Variants in FMN2 observed in about 807,000 individuals in gnomAD.
The protein encoded by FMN2 is formin 2.
Under a neutral mutation model 142.3 loss-of-function variants are expected in FMN2, and 51 were observed. That is an observed-to-expected ratio of 0.36 (90% CI 0.29 to 0.45). The LOEUF (loss-of-function observed/expected upper bound fraction) is 0.45, where lower values mean the gene tolerates loss of function less well. FMN2 is among the 20% of genes least tolerant of loss of function. The pLI is 1.00. For synonymous variants in FMN2, 882 were observed against 869.8 expected, an observed-to-expected ratio of 1.01 and a Z score of -0.25; for missense variants, 1,936 against 2,122.8, an observed-to-expected ratio of 0.91 and a Z score of 1.73.
chr1:240,111,207 G>A (rs560516453), intron 1 of FMN2, among the ~76,000 whole-genome samples: 5 of 152,240 alleles, frequency 3.3e-5, no homozygotes, highest in African/African-American at 1.2e-4. Context: ...ATTACCAGGG[G>A]TTATGTAACC....
At chr1:240,189,556 C>G (rs1353499006) in intron 4 of FMN2, among the ~76,000 whole-genome samples, 1 of 152,216 alleles carries the variant, frequency 6.6e-6, no homozygotes, top group Admixed American at 6.5e-5. Flanking sequence ...AAGTTGTGCT[C>G]CCCCTGGAGG....
chr1:240,098,987 A>T (rs1419282930), intron 1 of FMN2, among the ~76,000 whole-genome samples: 1 of 152,196 alleles, frequency 6.6e-6, no homozygotes, highest in Non-Finnish European at 1.5e-5. Context: ...TATTCTAGGT[A>T]TATTTGCAAT....
chr1:240,098,645 C>A (rs1051052774), intron 1 of FMN2, among the ~76,000 whole-genome samples: 3 of 152,150 alleles, frequency 2.0e-5, no homozygotes, highest in African/African-American at 7.2e-5. Context: ...TACTGGGTTC[C>A]ATATATCAGA....
chr1:240,212,975 T>A (rs918137255), intron 6 of FMN2, among the ~76,000 whole-genome samples: 1 of 152,206 alleles, frequency 6.6e-6, no homozygotes, highest in African/African-American at 2.4e-5. Flanking sequence ...TTGTTTGTTT[T>A]TTTGGCTAAG....
Position 240,163,315 on chromosome 1 carries a change from C to T in FMN2, c.1783-14606C>T, listed in dbSNP as rs1016566394. Among the ~76,000 whole-genome samples, 70 of 152,178 alleles carry T rather than the reference C, an allele frequency of 4.6e-4. 4 individuals are homozygous for T. On this transcript the variant is annotated intron_variant, in intron 2 of 17. Transcript: ENST00000319653. The stretch of plus-strand genomic sequence containing the variant: ...GCAGCTATTGAGAAAGTTATTGCTA[C>T]TATGTTTGTGGACATGTGTTTTTCC...
At chr1:240,357,853 C>T (rs963336947) in intron 14 of FMN2, among the ~76,000 whole-genome samples, 7 of 152,312 alleles carry the variant, frequency 4.6e-5, no homozygotes, top group Non-Finnish European at 1.0e-4. Context: ...GTGATCCAGC[C>T]TCTTCGGCCT....
Position 240,258,001 on chromosome 1 carries a change from C to A in FMN2, c.4122C>A (p.Ser1374Arg). Residue 1374 changes from serine (S) to arginine (R), a missense_variant, in exon 7 of 18, where the codon AGC becomes AGA. Coordinates refer to ENST00000319653, the MANE Select transcript of FMN2 (RefSeq NM_020066.5). ...RSQAVGILMS[S>R]LHLDMKDIQH... is the part of the protein sequence containing the mutation. ...AAGCAGTTGGAATACTAATGTCTAG[C>A]CTTCATTTAGATATGAAAGACATAC... The A allele has an allele frequency of 6.2e-7, 1 of 1,612,090 alleles. No individual in the cohort carries two copies. Among genetic ancestry groups the A allele is most frequent in the Non-Finnish European group, 8.5e-7 (1 of 1,179,378 alleles).
intron 2 of FMN2, among the ~76,000 whole-genome samples, chr1:240,153,345 C>G (rs375472139): frequency 6.7e-6 from 1 of 148,638 alleles, no homozygotes; most frequent in Admixed American, 6.7e-5. Flanking sequence ...TAATCTCACT[C>G]GGTTCTCAAA....
At chr1:240,342,350 A>G (rs1272236894) in intron 13 of FMN2, among the ~76,000 whole-genome samples, 1 of 152,160 alleles carries the variant, frequency 6.6e-6, no homozygotes, top group Non-Finnish European at 1.5e-5. Context: ...ACATTTTTCC[A>G]TACTATTTCA....
At chr1:240,437,732 G>A (rs899440835) in intron 15 of FMN2, among the ~76,000 whole-genome samples, 1 of 152,184 alleles carries the variant, frequency 6.6e-6, no homozygotes, top group Non-Finnish European at 1.5e-5. Flanking sequence ...GGTTTAGAAA[G>A]AAAGTATAGG....
At position 240,151,852 on chromosome 1, in the gene FMN2, A is replaced by C. The variant is rs553957346; in HGVS notation, c.1783-26069A>C. ...TGCGATCATAGCTCACTGCAGCCAC[A>C]AACTCCTAGGTTCAAGCGATCCTCC... On this transcript the variant is annotated intron_variant, in intron 2 of 17. Coordinates refer to ENST00000319653, the MANE Select transcript of FMN2 (RefSeq NM_020066.5). Among the ~76,000 whole-genome samples the C allele has an allele frequency of 1.4e-4, 21 of 152,134 alleles. No individual in the cohort carries two copies. In the East Asian group the frequency reaches 3.9e-3, roughly 28 times the overall value.
chr1:240,143,053 A>G, intron 2 of FMN2: 2 of 1,495,284 alleles, frequency 1.3e-6, no homozygotes, highest in East Asian at 2.3e-5. Context: ...TCACTGTGGT[A>G]GGGGCAGAGG....
At chr1:240,279,783 A>G (rs1236088949) in intron 7 of FMN2, among the ~76,000 whole-genome samples, 2 of 152,194 alleles carry the variant, frequency 1.3e-5, no homozygotes. Flanking sequence ...ACATCAACAT[A>G]TACTTCAGAA....
chr1:240,208,653 G>C lies in FMN2; in HGVS notation c.3841G>C (p.Gly1281Arg). 1 of 1,613,912 alleles carries C rather than the reference G, an allele frequency of 6.2e-7. No individual in the cohort carries two copies. The highest frequency in any genetic ancestry group is 8.5e-7 in the Non-Finnish European group (1 of 1,180,022). Reference protein sequence around the residue: ...LFGLGMNQDKGSRKQPIEPCR... With the variant: ...LFGLGMNQDKRSRKQPIEPCR... Reference sequence around the variant, plus strand: ...TGGATTAGGGATGAATCAGGACAAAGGGAGTAGGAAGCAGCCCATAGAGCC... The same window carrying C: ...TGGATTAGGGATGAATCAGGACAAACGGAGTAGGAAGCAGCCCATAGAGCC... The change falls in exon 5 of 18, where the codon GGG becomes CGG. Residue 1281 changes from glycine to arginine, a missense_variant. Physicochemically the swap from Gly to Arg is moderately radical, Grantham distance 125 (BLOSUM62 -2). This residue lies in a region of FMN2 where 259 missense variants were observed against 230.9 expected (regional missense o/e 1.12). Transcript: ENST00000319653.
chr1:240,092,258 AG>A lies in FMN2; in HGVS notation c.155del (p.Gly52GlufsTer90). The A allele has an allele frequency of 1.1e-6, 1 of 912,838 alleles. No individual in the cohort carries two copies. Among genetic ancestry groups the A allele is most frequent in the South Asian group, 1.4e-5 (1 of 72,198 alleles). 56.5% of individuals were successfully genotyped at this position (912,838 alleles called of 1,614,324 possible). A position where few individuals can be genotyped will look rare whatever the true frequency, so the allele number is the denominator to read the frequency against. On this transcript the variant is annotated frameshift_variant, in exon 1 of 18. Transcript: ENST00000319653. LOFTEE classifies it high-confidence loss of function. The stretch of plus-strand genomic sequence containing the variant: ...AAGAAGGCGCTAGGCAAGCACGGCA[AG>A]GGGGGAGGGGGCGGCGGCGGCGGCG... ...GGKKALGKHGKGGGGGGGGGE... is the reference protein window; with the variant it reads ...GGKKALGKHGXGGGGGGGGGE...
At chr1:240,299,230 G>T (rs559907431) in intron 8 of FMN2, among the ~76,000 whole-genome samples, 1 of 152,226 alleles carries the variant, frequency 6.6e-6, no homozygotes, top group African/African-American at 2.4e-5. Flanking sequence ...TTACAGGCGT[G>T]AGCCACCACA....
intron 7 of FMN2, among the ~76,000 whole-genome samples, chr1:240,260,845 G>C (rs1167752130): frequency 6.6e-6 from 1 of 152,168 alleles, no homozygotes; most frequent in Non-Finnish European, 1.5e-5. Flanking sequence ...TGTCTAGAAG[G>C]GTTTTCCCAA....
chr1:240,270,841 A>C (rs936802961), intron 7 of FMN2, among the ~76,000 whole-genome samples: 1 of 151,928 alleles, frequency 6.6e-6, no homozygotes, highest in Non-Finnish European at 1.5e-5. Context: ...CTGAGGGGAC[A>C]GGATGGATGG....
At chr1:240,103,273 G>A (rs536515906) in intron 1 of FMN2, among the ~76,000 whole-genome samples, 1 of 152,168 alleles carries the variant, frequency 6.6e-6, no homozygotes. Flanking sequence ...TAGGCATGTG[G>A]CTTTAGCTTT....
Sources: gnomAD v4.1 joint callset for allele counts (sites outside exome capture counted in the v4.1 genomes callset) on GRCh38, gnomAD v4.1.1 for gene constraint, gnomAD v4.1.1 regional missense constraint, MANE v1.5 for transcripts, NCBI Gene and HGNC (gene_info 2026-07-23, HGNC 2026-07-21) for gene names.